Variants in SOX13 observed in about 807,000 individuals in gnomAD.
SOX13 encodes SRY-box transcription factor 13.
SOX13 carries 28 observed loss-of-function variants against 71.8 expected under a neutral mutation model. That is an observed-to-expected ratio of 0.39 (90% CI 0.29 to 0.53). SOX13 has a LOEUF of 0.53. Among genes scored for constraint, SOX13 ranks in the 20% least tolerant of loss-of-function variants. SOX13 has a pLI of 0.70. For synonymous variants in SOX13, 309 were observed against 317.8 expected (o/e 0.97, Z 0.29); for missense variants, 627 against 810.3 (o/e 0.77, Z 2.75).
chr1:204,091,604 C>T (rs1336505096), intron 1 of SOX13, among the ~76,000 whole-genome samples: 1 of 152,194 alleles, frequency 6.6e-6, no homozygotes, highest in Non-Finnish European at 1.5e-5. Flanking sequence ...TTTCCCATCT[C>T]TGTAGCCTTG....
intron 1 of SOX13, among the ~76,000 whole-genome samples, chr1:204,075,658 TAA>T (rs1655772806): frequency 6.6e-6 from 1 of 152,108 alleles, no homozygotes; most frequent in African/African-American, 2.4e-5. Context: ...GCCTAGTGGT[TAA>T]GAGTCCTGGA....
chr1:204,125,940 G>A lies in SOX13; in HGVS notation c.1675G>A (p.Val559Met), dbSNP rs749244674. 9 of 1,613,708 alleles carry A rather than the reference G, an allele frequency of 5.6e-6. No individual in the cohort carries two copies. In the African/African-American group the frequency reaches 1.2e-4, roughly 22 times the overall value. ...AAGMPLAQPL[V>M]EHYVPRSLDP... is the part of the protein sequence containing the mutation. ...AGGCATGCCGCTGGCACAGCCACTG[G>A]TGGAGCACTATGTCCCTCGTAGCCT... Residue 559 changes from valine (V) to methionine (M), a missense_variant, in exon 14 of 14, where the codon GTG becomes ATG. This residue lies in a region of SOX13 where 148 missense variants were observed against 192.7 expected (regional missense o/e 0.77). Coordinates refer to ENST00000367204, the MANE Select transcript of SOX13 (RefSeq NM_005686.3).
chr1:204,113,509 A>T (rs1656629394), intron 2 of SOX13, among the ~76,000 whole-genome samples: 3 of 152,336 alleles, frequency 2.0e-5, no homozygotes, highest in African/African-American at 7.2e-5. Context: ...TGATTACACA[A>T]GCAAGAATTA....
Position 204,116,511 on chromosome 1 carries a change from C to A in SOX13, c.423C>A (p.Thr141=), listed in dbSNP as rs779635084. The change falls in exon 5 of 14, where the codon ACC becomes ACA. Residue 141 remains threonine (T), a synonymous_variant. Transcript: ENST00000367204. ...NSMEAKDVKG[T]QESLAEKELQ... Reference sequence around the variant, plus strand: ...GTCTGTTTCACTGTGGAGCAGGGACCCAAGAGAGCCTAGCAGAGAAGGAGC... The same window carrying A: ...GTCTGTTTCACTGTGGAGCAGGGACACAAGAGAGCCTAGCAGAGAAGGAGC... The A allele has an allele frequency of 2.6e-5, 42 of 1,613,642 alleles. No homozygotes were observed. The highest frequency in any genetic ancestry group is 3.3e-5 in the Admixed American group (2 of 59,996).
Position 204,123,057 on chromosome 1 carries a change from G to A in SOX13, c.1135-55G>A, listed in dbSNP as rs1656844127. ...TGAGGCCACCAAGAGAGGAGCATGG[G>A]GAGGAGTGGGGTGATGCAGAGGAGG... On this transcript the variant is annotated intron_variant, in intron 10 of 13. Transcript: ENST00000367204. This position sits in a 1 kb window ranked among gnomAD's most constrained non-coding sequence, Gnocchi z 5.0. 2 of 1,525,508 alleles carry A rather than the reference G, an allele frequency of 1.3e-6. No homozygotes were observed. Among genetic ancestry groups the A allele is most frequent in the African/African-American group, 1.4e-5 (1 of 73,146 alleles). 94.5% of individuals were successfully genotyped at this position (1,525,508 alleles called of 1,614,324 possible). A position where few individuals can be genotyped will look rare whatever the true frequency, so the allele number is the denominator to read the frequency against.
chr1:204,122,361 C>T lies in SOX13; in HGVS notation c.986C>T (p.Thr329Met), dbSNP rs746636227. The T allele has an allele frequency of 3.1e-5, 48 of 1,563,522 alleles. No homozygotes were observed. The highest frequency in any genetic ancestry group is 9.6e-5 in the East Asian group (4 of 41,824). The change falls in exon 9 of 14, where the codon ACG (threonine) becomes ATG (methionine). Residue 329 changes from threonine to methionine, a missense_variant. Thr to Met is a moderately conservative substitution (Grantham distance 81, BLOSUM62 -1). This residue lies in a region of SOX13 where 447 missense variants were observed against 532.2 expected (regional missense o/e 0.84). Transcript: ENST00000367204. The part of the protein sequence containing the change: ...VPRPPSHGGP[T>M]RDLQSSPPSL... ...CGCCCCCCCAGCCATGGAGGCCCCACGCGGGACCTGCAGTCCAGCCCCCCG... is the reference window on the plus strand; with the variant it reads ...CGCCCCCCCAGCCATGGAGGCCCCATGCGGGACCTGCAGTCCAGCCCCCCG...
intron 5 of SOX13, 90 bp from the exon 6 acceptor site, chr1:204,117,032 T>G (rs998378884): frequency 5.6e-5 from 73 of 1,309,640 alleles, no homozygotes; most frequent in Non-Finnish European, 7.6e-5. Flanking sequence ...CTTGCCCCAC[T>G]GTAGAAAGCA....
intron 1 of SOX13, among the ~76,000 whole-genome samples, chr1:204,080,440 C>T (rs970615495): frequency 5.9e-5 from 9 of 152,178 alleles, no homozygotes; most frequent in Admixed American, 1.3e-4. Flanking sequence ...GCTCCCCTCC[C>T]GCTCTGGTGG....
intron 2 of SOX13, among the ~76,000 whole-genome samples, chr1:204,113,877 A>G (rs1379112444): frequency 2.0e-5 from 3 of 152,154 alleles, no homozygotes; most frequent in Non-Finnish European, 2.9e-5. Context: ...CTGCTCCCCT[A>G]TGCAGCCCAG....
Position 204,117,589 on chromosome 1 carries a change from T to A in SOX13, c.661-4T>A, listed in dbSNP as rs1217304646. The A allele has an allele frequency of 6.2e-7, 1 of 1,601,854 alleles. No homozygotes were observed. The highest frequency in any genetic ancestry group is 1.3e-5 in the African/African-American group (1 of 74,876). ...GGACTCACACAGGGTTTCTTTGCCT[T>A]CAGCAGGTTAACATGCCTTATGTCA... On this transcript the variant is annotated splice_polypyrimidine_tract_variant and splice_region_variant and intron_variant, in intron 6 of 13. Coordinates refer to ENST00000367204, the MANE Select transcript of SOX13 (RefSeq NM_005686.3).
At chr1:204,124,975 A>T in intron 13 of SOX13, 118 bp downstream of exon 13, 2 of 729,988 alleles carry the variant, frequency 2.7e-6, no homozygotes, top group Non-Finnish European at 4.7e-6. Context: ...TGCTGTGTGT[A>T]TGCGTACGTG....
intron 1 of SOX13, among the ~76,000 whole-genome samples, chr1:204,086,922 C>A (rs1001224680): frequency 1.6e-4 from 11 of 67,750 alleles, no homozygotes; most frequent in Admixed American, 9.0e-4. Context: ...TGGTCTTTCT[C>A]CTTCCTTTTT....
chr1:204,126,258 A>G lies in SOX13; in HGVS notation c.*124A>G. The G allele has an allele frequency of 9.6e-7, 1 of 1,044,388 alleles. No individual in the cohort carries two copies. The highest frequency in any genetic ancestry group is 1.6e-5 in the South Asian group (1 of 63,678). 64.7% of individuals were successfully genotyped at this position (1,044,388 alleles called of 1,614,324 possible). On this transcript the variant is annotated 3_prime_UTR_variant, in exon 14 of 14. Transcript: ENST00000367204. Reference sequence around the variant, plus strand: ...CTTGTTCGTGCCCCAGAGATGGGCAAAGCTGTGCACTTGCAGATACATTCA... The same window carrying G: ...CTTGTTCGTGCCCCAGAGATGGGCAGAGCTGTGCACTTGCAGATACATTCA...
At chr1:204,124,507 C>T (rs1251628442) in intron 12 of SOX13, 134 bp from the exon 13 acceptor site, 3 of 722,188 alleles carry the variant, frequency 4.2e-6, no homozygotes, top group Non-Finnish European at 4.7e-6. Flanking sequence ...TCGGGCCAGG[C>T]CCTTGCTAAG....
chr1:204,100,315 A>T (rs937198470), intron 1 of SOX13, among the ~76,000 whole-genome samples: 1 of 152,128 alleles, frequency 6.6e-6, no homozygotes, highest in African/African-American at 2.4e-5. Flanking sequence ...ATTCATTACT[A>T]TTATTAGTAT....
chr1:204,113,065 C>G lies in SOX13; in HGVS notation c.150C>G (p.Asp50Glu). The G allele has an allele frequency of 6.2e-7, 1 of 1,605,486 alleles. No individual in the cohort carries two copies. Among genetic ancestry groups the G allele is most frequent in the Non-Finnish European group, 8.5e-7 (1 of 1,176,498 alleles). Residue 50 changes from aspartate to glutamate, a missense_variant, in exon 2 of 14, where the codon GAC (aspartate) becomes GAG (glutamate). Around this residue, in one of 3 missense-constraint regions of SOX13, gnomAD observed 447 missense variants for 532.2 expected, o/e 0.84. Transcript: ENST00000367204. Reference protein sequence around the residue: ...SATAAEPQPGDPARASQDSAD... With the variant: ...SATAAEPQPGEPARASQDSAD... ...CTGCCGCTGAACCTCAGCCTGGAGACCCAGCCCGGGCCTCCCAGGATAGTG... is the reference window on the plus strand; with the variant it reads ...CTGCCGCTGAACCTCAGCCTGGAGAGCCAGCCCGGGCCTCCCAGGATAGTG...
Position 204,123,737 on chromosome 1 carries a change from G to A in SOX13, c.1308G>A (p.Lys436=). 1 of 1,614,236 alleles carries A rather than the reference G, an allele frequency of 6.2e-7. No individual in the cohort carries two copies. The highest frequency in any genetic ancestry group is 8.5e-7 in the Non-Finnish European group (1 of 1,180,052). ...RPMNAFMVWA[K]DERRKILQAF... ...TGAACGCCTTCATGGTGTGGGCCAAGGATGAGCGGAGGAAGATCCTGCAAG... is the reference window on the plus strand; with the variant it reads ...TGAACGCCTTCATGGTGTGGGCCAAAGATGAGCGGAGGAAGATCCTGCAAG... Residue 436 remains lysine, a synonymous_variant, in exon 12 of 14, where the codon AAG becomes AAA. Coordinates refer to ENST00000367204, the MANE Select transcript of SOX13 (RefSeq NM_005686.3). This position sits in a 1 kb window ranked among gnomAD's most constrained non-coding sequence, Gnocchi z 5.0.
At chr1:204,115,475 GTT>G (rs1230069563) in intron 4 of SOX13, among the ~76,000 whole-genome samples, 162 of 58,942 alleles carry the variant, frequency 2.7e-3, no homozygotes, top group Non-Finnish European at 3.7e-3. Context: ...TTCCGATGTT[GTT>G]TTTTTTTTTT....
At chr1:204,091,464 A>G (rs1656142292) in intron 1 of SOX13, among the ~76,000 whole-genome samples, 1 of 152,234 alleles carries the variant, frequency 6.6e-6, no homozygotes, top group African/African-American at 2.4e-5. Context: ...TCCAATGGAT[A>G]AGCTTTACCA....
Sources: allele counts gnomAD v4.1 joint callset (sites outside exome capture counted in the v4.1 genomes callset), GRCh38; gene constraint gnomAD v4.1.1; regional missense constraint gnomAD v4.1.1; non-coding constraint Gnocchi (gnomAD v3.1); transcripts MANE v1.5; gene names NCBI Gene and HGNC (gene_info 2026-07-23, HGNC 2026-07-21).